Variants in NFIX observed in about 807,000 individuals in gnomAD.
NFIX encodes the protein nuclear factor 1 X-type.
A neutral mutation model predicts 53.3 loss-of-function variants in NFIX; 2 were observed. The observed-to-expected ratio is 0.04, with a 90% CI of 0.02 to 0.12. The LOEUF (loss-of-function observed/expected upper bound fraction) is 0.12, where lower values mean the gene tolerates loss of function less well. NFIX is among the 10% of genes least tolerant of loss of function. The pLI, the probability that NFIX is intolerant of heterozygous loss-of-function variation, is 1.00. For missense variants in NFIX, 310 were observed against 674.5 expected (o/e 0.46, Z 5.99); for synonymous variants, 244 against 289.0 (o/e 0.84, Z 1.58).
intron 2 of NFIX, among the ~76,000 whole-genome samples, chr19:13,057,945 G>A (rs1310603852): frequency 6.6e-6 from 1 of 151,886 alleles, no homozygotes; most frequent in East Asian, 1.9e-4. Flanking sequence ...CCATCTTTTT[G>A]GCTCTGCTCC....
intron 2 of NFIX, among the ~76,000 whole-genome samples, chr19:13,047,871 C>T (rs192390973): frequency 5.7e-4 from 87 of 152,272 alleles, no homozygotes; most frequent in East Asian, 5.4e-3. Flanking sequence ...CATTCCGGCC[C>T]GGTTAATTGC....
intron 1 of NFIX, among the ~76,000 whole-genome samples, chr19:12,997,584 C>G (rs2011515865): frequency 6.6e-6 from 1 of 152,228 alleles, no homozygotes; most frequent in African/African-American, 2.4e-5. Context: ...AGCTGGGCCT[C>G]TTTGGTGCTA....
intron 8 of NFIX, among the ~76,000 whole-genome samples, chr19:13,082,722 C>G (rs1051831275): frequency 1.2e-4 from 18 of 152,216 alleles, no homozygotes; most frequent in Non-Finnish European, 2.1e-4. Context: ...GTTTCTAGAC[C>G]TCTGGGAAAA....
chr19:13,004,637 T>C (rs1426165197), intron 1 of NFIX, among the ~76,000 whole-genome samples: 3 of 152,142 alleles, frequency 2.0e-5, no homozygotes, highest in Non-Finnish European at 4.4e-5. Flanking sequence ...CAGGATAGAA[T>C]TGGGAGCCCC....
rs1253440740 is a variant in NFIX, at chr19:13,097,186, AG to A, written c.*2538del. Reference sequence around the variant, plus strand: ...TTTTCCCTTTTTTTTGTTCGTTTTTAGTTTTTTTTTTTTTAAGTCGTTTTCC... The same window carrying A: ...TTTTCCCTTTTTTTTGTTCGTTTTTATTTTTTTTTTTTTAAGTCGTTTTCC... On this transcript the variant is annotated 3_prime_UTR_variant, in exon 11 of 11. Coordinates refer to ENST00000592199, the MANE Select transcript of NFIX (RefSeq NM_001365902.3). 2 of 143,834 alleles carry A rather than the reference AG, an allele frequency of 1.4e-5. No homozygotes were observed. The highest frequency in any genetic ancestry group is 3.0e-5 in the Non-Finnish European group (2 of 65,964). 8.9% of individuals were successfully genotyped at this position (143,834 alleles called of 1,614,324 possible).
At position 13,009,715 on chromosome 19, in the gene NFIX, T is replaced by C. The variant is rs1365498581; in HGVS notation, c.27+13851T>C. ...CCACCAAATGCTACTTGGCTCCAAG[T>C]GGGGTACTGATGGGCACTGAAAAAC... On this transcript the variant is annotated intron_variant, in intron 1 of 10. Coordinates refer to ENST00000592199, the MANE Select transcript of NFIX (RefSeq NM_001365902.3). The surrounding 1 kb of genome is among the most constrained non-coding windows in gnomAD (Gnocchi z 4.7). 6.6e-6 allele frequency among the ~76,000 whole-genome samples: 1 copy of C among 152,054 alleles called. No homozygotes were observed. The highest frequency in any genetic ancestry group is 1.5e-5 in the Non-Finnish European group (1 of 68,020).
At chr19:13,064,703 T>C (rs547562004) in intron 2 of NFIX, among the ~76,000 whole-genome samples, 41 of 152,298 alleles carry the variant, frequency 2.7e-4, no homozygotes, top group Admixed American at 4.6e-4. Flanking sequence ...ACACTCACCA[T>C]GTACTCAAGA....
At chr19:13,039,283 G>A (rs1003556953) in intron 2 of NFIX, among the ~76,000 whole-genome samples, 1 of 151,244 alleles carries the variant, frequency 6.6e-6, no homozygotes, top group Non-Finnish European at 1.5e-5. Context: ...AAGCCCTGCT[G>A]CTGCCCAGGA....
At position 12,996,375 on chromosome 19, in the gene NFIX, G is replaced by A. The variant is rs1208204086; in HGVS notation, c.27+511G>A. The stretch of plus-strand genomic sequence containing the variant: ...GCGGTTCCCGAGGGTGGCAGTGGCC[G>A]GCGTGCGTGGCGGCGGCCCTTGCGT... On this transcript the variant is annotated intron_variant, in intron 1 of 10. Coordinates refer to ENST00000592199, the MANE Select transcript of NFIX (RefSeq NM_001365902.3). This position sits in a 1 kb window ranked among gnomAD's most constrained non-coding sequence, Gnocchi z 5.2. 1.3e-5 allele frequency among the ~76,000 whole-genome samples: 2 copies of A among 152,118 alleles called. No homozygotes were observed. The highest frequency in any genetic ancestry group is 2.9e-5 in the Non-Finnish European group (2 of 68,002).
Position 12,998,077 on chromosome 19 carries a change from A to G in NFIX, c.27+2213A>G, listed in dbSNP as rs944649511. On this transcript the variant is annotated intron_variant, in intron 1 of 10. Transcript: ENST00000592199. The surrounding 1 kb of genome is among the most constrained non-coding windows in gnomAD (Gnocchi z 4.4). ...TGTTTTTACAAATCTTTCTGCTTCC[A>G]TGGTTTGCCCCGCTGGTCTCTGTTT... 6.6e-6 allele frequency among the ~76,000 whole-genome samples: 1 copy of G among 151,922 alleles called. No homozygotes were observed. Among genetic ancestry groups the G allele is most frequent in the African/African-American group, 2.4e-5 (1 of 41,344 alleles).
chr19:13,031,754 A>G (rs1341910750), intron 2 of NFIX, among the ~76,000 whole-genome samples: 1 of 152,160 alleles, frequency 6.6e-6, no homozygotes, highest in Non-Finnish European at 1.5e-5. Context: ...TTGGGAGGCA[A>G]GGTCCTTCTT....
chr19:13,018,335 C>CGGGGGGGGGGGGGGGGGGGGGGGG (rs59494074), intron 1 of NFIX, among the ~76,000 whole-genome samples: 1 of 11,232 alleles, frequency 8.9e-5, no homozygotes, highest in Non-Finnish European at 2.2e-4. Context: ...AAGGAAGGGG[C>CGGGGGGGGGGGGGGGGGGGGGGGG]GGGGGGGGGG....
intron 10 of NFIX, among the ~76,000 whole-genome samples, chr19:13,092,453 C>T (rs1358851720): frequency 6.6e-6 from 1 of 152,150 alleles, no homozygotes; most frequent in East Asian, 1.9e-4. Flanking sequence ...CTGAGGAGGA[C>T]CCCCCAGTCT....
In NFIX at chr19:13,036,515, T is replaced by C. The variant is rs1250701020; in HGVS notation, c.559+10963T>C. On this transcript the variant is annotated intron_variant, in intron 2 of 10. Coordinates refer to ENST00000592199, the MANE Select transcript of NFIX (RefSeq NM_001365902.3). This position sits in a 1 kb window ranked among gnomAD's most constrained non-coding sequence, Gnocchi z 4.7. ...AGACAGCTGAGAGTAGGGTGACACC[T>C]GGTGACTCTTGTGGACTGGGCGGAG... 6.6e-6 allele frequency among the ~76,000 whole-genome samples: 1 copy of C among 152,050 alleles called. No homozygotes were observed. Among genetic ancestry groups the C allele is most frequent in the Non-Finnish European group, 1.5e-5 (1 of 67,998 alleles).
chr19:13,060,713 C>A lies in NFIX; in HGVS notation c.560-12334C>A, dbSNP rs1402019431. ...TGCGGGGCCAGGGAAGCAACCAGGC[C>A]CAGTCTGGGGCCCTGTGAAGCGATC... is the stretch of plus-strand genomic sequence containing the variant. On this transcript the variant is annotated intron_variant, in intron 2 of 10. Coordinates refer to ENST00000592199, the MANE Select transcript of NFIX (RefSeq NM_001365902.3). The surrounding 1 kb of genome is among the most constrained non-coding windows in gnomAD (Gnocchi z 4.3). Among the ~76,000 whole-genome samples the A allele has an allele frequency of 6.6e-6, 1 of 152,042 alleles. No individual in the cohort carries two copies. The highest frequency in any genetic ancestry group is 2.4e-5 in the African/African-American group (1 of 41,418).
At chr19:13,010,389 C>T (rs1012057857) in intron 1 of NFIX, among the ~76,000 whole-genome samples, 1 of 152,274 alleles carries the variant, frequency 6.6e-6, no homozygotes, top group East Asian at 1.9e-4. Flanking sequence ...AGCCCGGCAA[C>T]TCGGACGTGC....
At position 13,051,952 on chromosome 19, in the gene NFIX, A is replaced by G. The variant is rs1053819589; in HGVS notation, c.560-21095A>G. Among the ~76,000 whole-genome samples the G allele has an allele frequency of 3.9e-5, 6 of 152,128 alleles. No homozygotes were observed. Among genetic ancestry groups the G allele is most frequent in the African/African-American group, 7.2e-5 (3 of 41,442 alleles). ...CGCCCGCCTTCTCCGCTCCGGCTTCATGCTCTCCAGGTTTCTCCACTTCCT... is the reference window on the plus strand; with the variant it reads ...CGCCCGCCTTCTCCGCTCCGGCTTCGTGCTCTCCAGGTTTCTCCACTTCCT... On this transcript the variant is annotated intron_variant, in intron 2 of 10. Transcript: ENST00000592199. This position sits in a 1 kb window ranked among gnomAD's most constrained non-coding sequence, Gnocchi z 5.1.
At position 12,996,758 on chromosome 19, in the gene NFIX, G is replaced by T. The variant is rs2011483881; in HGVS notation, c.27+894G>T. Among the ~76,000 whole-genome samples, 1 of 152,252 alleles carries T rather than the reference G, an allele frequency of 6.6e-6. No individual in the cohort carries two copies. Among genetic ancestry groups the T allele is most frequent in the African/African-American group, 2.4e-5 (1 of 41,472 alleles). On this transcript the variant is annotated intron_variant, in intron 1 of 10. Coordinates refer to ENST00000592199, the MANE Select transcript of NFIX (RefSeq NM_001365902.3). The surrounding 1 kb of genome is among the most constrained non-coding windows in gnomAD (Gnocchi z 5.2). ...CCGACAGTGCTGCGGCCACACCGTC[G>T]GGTCAGCCTCGGGCACAACAGCGCC... is the stretch of plus-strand genomic sequence containing the variant.
At chr19:13,024,178 GA>G in intron 1 of NFIX, 15 of 706,594 alleles carry the variant, frequency 2.1e-5, no homozygotes, top group Non-Finnish European at 2.8e-5. Context: ...GACTGAGTGG[GA>G]AAAAGGGTGA....
Sources: allele counts gnomAD v4.1 joint callset (sites outside exome capture counted in the v4.1 genomes callset), GRCh38; gene constraint gnomAD v4.1.1; non-coding constraint Gnocchi (gnomAD v3.1); transcripts MANE v1.5; gene names NCBI Gene and HGNC (gene_info 2026-07-23, HGNC 2026-07-21).